Variants in ATXN1 observed in about 807,000 individuals in gnomAD.
The protein encoded by ATXN1 is ataxin 1.
Under a neutral mutation model 56.4 loss-of-function variants are expected in ATXN1, and 8 were observed. The observed-to-expected ratio is 0.14, with a 90% CI of 0.08 to 0.26. The LOEUF (loss-of-function observed/expected upper bound fraction) is 0.26, where lower values mean the gene tolerates loss of function less well. Among genes scored for constraint, ATXN1 ranks in the 10% least tolerant of loss-of-function variants. The pLI, the probability that ATXN1 is intolerant of heterozygous loss-of-function variation, is 1.00. For missense variants in ATXN1, 987 were observed against 1,106.5 expected, an observed-to-expected ratio of 0.89 and a Z score of 1.53; for synonymous variants, 514 against 494.6, an observed-to-expected ratio of 1.04 and a Z score of -0.52.
chr6:16,390,625 T>G (rs9477121), intron 6 of ATXN1, among the ~76,000 whole-genome samples: 21,636 of 151,548 alleles, frequency 0.14, 1,821 homozygotes, highest in African/African-American at 0.23. Context: ...GGTAGTGGCG[T>G]TAATCCATTT....
chr6:16,330,495 T>C (rs1341225521), intron 6 of ATXN1, among the ~76,000 whole-genome samples: 1 of 150,602 alleles, frequency 6.6e-6, no homozygotes, highest in Non-Finnish European at 1.5e-5. Context: ...GCTCAAGTGA[T>C]CCTCCCACCT....
rs200807884 is a variant in ATXN1 at position 16,446,662 on chromosome 6, G to GT, written c.-161+39309dup. ...AAAGGGTTTAACAGTTAAATCTAAA[G>GT]TTTTTTTTCTATTAAAGGAACTTTA... On this transcript the variant is annotated intron_variant, in intron 6 of 7. Transcript: ENST00000436367. Among the ~76,000 whole-genome samples the GT allele has an allele frequency of 8.5e-3, 1,290 of 152,074 alleles. 5 individuals carry two copies. Among genetic ancestry groups the GT allele is most frequent in the Non-Finnish European group, 0.015 (990 of 67,958 alleles).
At chr6:16,644,114 G>T (rs1464530500) in intron 3 of ATXN1, among the ~76,000 whole-genome samples, 1 of 152,202 alleles carries the variant, frequency 6.6e-6, no homozygotes, top group African/African-American at 2.4e-5. Context: ...GAGTGTTATT[G>T]TCTAATGAAT....
In ATXN1 at chr6:16,299,659, C is replaced by T. The variant is rs535802530; in HGVS notation, c.*6670G>A. On this transcript the variant is annotated 3_prime_UTR_variant, in exon 8 of 8. Coordinates refer to ENST00000436367, the MANE Select transcript of ATXN1 (RefSeq NM_001128164.2). ...GGTAATGATCTGATATTAAAACATC[C>T]AGTAGTACGAGTCTCAGAGATGGCT... 6.5e-6 allele frequency: 1 copy of T among 152,712 alleles called. No individual in the cohort carries two copies. The highest frequency in any genetic ancestry group is 1.5e-5 in the Non-Finnish European group (1 of 68,040). 9.5% of individuals were successfully genotyped at this position (152,712 alleles called of 1,614,324 possible). A position where few individuals can be genotyped will look rare whatever the true frequency, so the allele number is the denominator to read the frequency against.
chr6:16,528,370 G>A (rs1761434587), intron 4 of ATXN1, among the ~76,000 whole-genome samples: 1 of 151,516 alleles, frequency 6.6e-6, no homozygotes, highest in Non-Finnish European at 1.5e-5. Flanking sequence ...ATCCTCTGAA[G>A]GTATACATGG....
At chr6:16,759,900 G>C (rs1761017510) in intron 1 of ATXN1, among the ~76,000 whole-genome samples, 1 of 152,112 alleles carries the variant, frequency 6.6e-6, no homozygotes, top group South Asian at 2.1e-4. Context: ...GCTGAAGAGG[G>C]GTCGGGGCGC....
rs938172768 is a variant in ATXN1, at chr6:16,522,659, C to T, written c.-331G>A. The T allele has an allele frequency of 4.6e-5, 7 of 151,668 alleles. No homozygotes were observed. The highest frequency in any genetic ancestry group is 8.8e-5 in the Non-Finnish European group (6 of 67,952). The allele number at this position is 151,668 out of a possible 1,614,324, so 9.4% of individuals were successfully genotyped here. On this transcript the variant is annotated 5_prime_UTR_variant, in exon 5 of 8. The change creates a new upstream start codon in the 5' untranslated region. Coordinates refer to ENST00000436367, the MANE Select transcript of ATXN1 (RefSeq NM_001128164.2). Reference sequence around the variant, plus strand: ...AAACAGCACGTCGATTTCTTTCTCACGAAGAAAATGGTCTAATTTCTTTGG... The same window carrying T: ...AAACAGCACGTCGATTTCTTTCTCATGAAGAAAATGGTCTAATTTCTTTGG...
intron 3 of ATXN1, among the ~76,000 whole-genome samples, chr6:16,643,887 AG>A (rs1308780577): frequency 4.6e-5 from 7 of 152,246 alleles, no homozygotes. Flanking sequence ...TTCTGAAATT[AG>A]AATGAGAACT....
At chr6:16,648,402 C>T (rs1171946266) in intron 3 of ATXN1, among the ~76,000 whole-genome samples, 2 of 152,188 alleles carry the variant, frequency 1.3e-5, no homozygotes, top group Non-Finnish European at 2.9e-5. Context: ...TCACTAGGTA[C>T]TTAGGATGCT....
chr6:16,697,964 G>T (rs1019258420), intron 2 of ATXN1, among the ~76,000 whole-genome samples: 4 of 152,122 alleles, frequency 2.6e-5, no homozygotes, highest in African/African-American at 9.7e-5. Flanking sequence ...GCAGAATGAG[G>T]TCCCTTCCTG....
intron 6 of ATXN1, among the ~76,000 whole-genome samples, chr6:16,329,671 G>A (rs187196958): frequency 1.1e-4 from 16 of 152,158 alleles, no homozygotes; most frequent in Admixed American, 2.0e-4. Context: ...CCTTCACACC[G>A]TCCCCTTTCT....
chr6:16,732,129 C>G (rs1760002253), intron 2 of ATXN1, among the ~76,000 whole-genome samples: 1 of 152,054 alleles, frequency 6.6e-6, no homozygotes, highest in Non-Finnish European at 1.5e-5. Context: ...ATATTTGAAG[C>G]TTTATAGGCA....
chr6:16,600,511 C>T (rs1391561437), intron 3 of ATXN1, among the ~76,000 whole-genome samples: 1 of 152,164 alleles, frequency 6.6e-6, no homozygotes, highest in African/African-American at 2.4e-5. Flanking sequence ...AAAAGGAATG[C>T]TTTGAACAGA....
intron 3 of ATXN1, among the ~76,000 whole-genome samples, chr6:16,625,759 G>C (rs1315224399): frequency 6.6e-6 from 1 of 151,596 alleles, no homozygotes; most frequent in Non-Finnish European, 1.5e-5. Context: ...TCCCCTCTTC[G>C]AAAAATGCAG....
intron 2 of ATXN1, chr6:16,738,518 CTCT>C (rs2113501783): frequency 6.6e-6 from 1 of 152,258 alleles, no homozygotes; most frequent in Non-Finnish European, 1.5e-5. Context: ...CATATTCCTC[CTCT>C]ATTATGCAAA....
At chr6:16,591,093 T>C (rs1220030578) in intron 3 of ATXN1, among the ~76,000 whole-genome samples, 1 of 152,040 alleles carries the variant, frequency 6.6e-6, no homozygotes, top group African/African-American at 2.4e-5. Context: ...AGTGCTGTGA[T>C]TACAGGCGTG....
chr6:16,680,185 C>T (rs1384108103), intron 2 of ATXN1, among the ~76,000 whole-genome samples: 3 of 152,072 alleles, frequency 2.0e-5, no homozygotes, highest in African/African-American at 4.8e-5. Context: ...GAGGCTGCTG[C>T]CCTGCCTCTT....
At chr6:16,593,160 A>G (rs951751835) in intron 3 of ATXN1, among the ~76,000 whole-genome samples, 17 of 152,170 alleles carry the variant, frequency 1.1e-4, no homozygotes, top group Non-Finnish European at 2.1e-4. Context: ...CTTGGAAGAC[A>G]GAAAAGTTCT....
intron 6 of ATXN1, among the ~76,000 whole-genome samples, chr6:16,371,809 G>C (rs1413942187): frequency 1.3e-5 from 2 of 151,778 alleles, no homozygotes; most frequent in Non-Finnish European, 2.9e-5. Flanking sequence ...AAAATCCTGG[G>C]CTCAAGTGAT....
Sources: gnomAD v4.1 joint callset for allele counts (sites outside exome capture counted in the v4.1 genomes callset) on GRCh38, gnomAD v4.1.1 for gene constraint, MANE v1.5 for transcripts, NCBI Gene and HGNC (gene_info 2026-07-23, HGNC 2026-07-21) for gene names.